The following CHST9 variants were observed in gnomAD, a reference collection of about 807,000 sequenced individuals.
CHST9 encodes carbohydrate sulfotransferase 9.
In CHST9, 41 loss-of-function variants were observed where a neutral mutation model predicts 44.4. That is an observed-to-expected ratio of 0.92 (90% CI 0.72 to 1.20). The LOEUF is 1.20. CHST9 is among the 50% of genes most tolerant of loss of function. CHST9 has a pLI of 0.00. For missense variants in CHST9, 504 were observed against 516.5 expected, an observed-to-expected ratio of 0.98 and a Z score of 0.23; for synonymous variants, 171 against 178.4, an observed-to-expected ratio of 0.96 and a Z score of 0.33.
rs376752000 is a variant in CHST9 at position 27,148,592 on chromosome 18, C to A, written c.-96-5687G>T. Among the ~76,000 whole-genome samples the A allele has an allele frequency of 1.2e-3, 184 of 147,574 alleles. 1 individual carries two copies. Among genetic ancestry groups the A allele is most frequent in the South Asian group, 4.7e-3 (21 of 4,486 alleles). ...TCCCTACAAAGGACATGAACTCATC[C>A]TTTTTTATGGCTGCATAGTATTCCA... On this transcript the variant is annotated intron_variant, in intron 1 of 5. Coordinates refer to ENST00000618847, the MANE Select transcript of CHST9 (RefSeq NM_031422.6).
At chr18:26,949,367 C>T (rs991230211) in intron 4 of CHST9, among the ~76,000 whole-genome samples, 2 of 150,692 alleles carry the variant, frequency 1.3e-5, no homozygotes, top group African/African-American at 4.9e-5. Context: ...GAGAATACAG[C>T]AAGACCTCAT....
chr18:27,145,199 A>G (rs933786295), intron 1 of CHST9, among the ~76,000 whole-genome samples: 1 of 152,000 alleles, frequency 6.6e-6, no homozygotes, highest in Non-Finnish European at 1.5e-5. Flanking sequence ...TGTTTTGTTT[A>G]TTATTTTTTT....
chr18:26,930,068 C>T (rs1681365106), intron 5 of CHST9, among the ~76,000 whole-genome samples: 1 of 152,178 alleles, frequency 6.6e-6, no homozygotes, highest in Non-Finnish European at 1.5e-5. Flanking sequence ...GTGTCAGCAC[C>T]TTTGAGTGAA....
chr18:26,929,856 T>G (rs2055844755), intron 5 of CHST9, among the ~76,000 whole-genome samples: 1 of 152,134 alleles, frequency 6.6e-6, no homozygotes, highest in Non-Finnish European at 1.5e-5. Context: ...CTGGGGGCTA[T>G]GACGTAAGTG....
chr18:27,183,132 AAGCAATC>A (rs1203500602), intron 1 of CHST9, among the ~76,000 whole-genome samples: 4 of 151,210 alleles, frequency 2.6e-5, no homozygotes, highest in African/African-American at 9.7e-5. Context: ...GGTGGGGGGA[AAGCAATC>A]AGATTTTTAC....
At chr18:27,116,520 G>A (rs941003727) in intron 2 of CHST9, among the ~76,000 whole-genome samples, 2 of 152,062 alleles carry the variant, frequency 1.3e-5, no homozygotes, top group African/African-American at 4.8e-5. Context: ...TTTTAAAATT[G>A]AAAGTGTGAT....
At chr18:27,048,600 C>T (rs973487486) in intron 2 of CHST9, 97 bp from the exon 3 acceptor site, 5 of 985,226 alleles carry the variant, frequency 5.1e-6, no homozygotes, top group Non-Finnish European at 7.7e-6. Context: ...CCAAACACAA[C>T]CTCTACTTCA....
In CHST9 at chr18:26,914,983, T is replaced by C. The variant is rs199526782; in HGVS notation, c.*1276A>G. 232 of 392,992 alleles carry C rather than the reference T, an allele frequency of 5.9e-4. 1 individual carries two copies. Among genetic ancestry groups the C allele is most frequent in the Middle Eastern group, 2.6e-3 (4 of 1,560 alleles). The allele number at this position is 392,992 out of a possible 1,614,324, so 24.3% of individuals were successfully genotyped here. A position where few individuals can be genotyped will look rare whatever the true frequency, so the allele number is the denominator to read the frequency against. Reference sequence around the variant, plus strand: ...CCATCCAAAATGATCCCTTTTTTTTTCCCCAAGGGATCTAATTTAGGATCC... The same window carrying C: ...CCATCCAAAATGATCCCTTTTTTTTCCCCCAAGGGATCTAATTTAGGATCC... On this transcript the variant is annotated 3_prime_UTR_variant, in exon 6 of 6. Coordinates refer to ENST00000618847, the MANE Select transcript of CHST9 (RefSeq NM_031422.6).
chr18:26,932,758 C>A (rs867487491), intron 5 of CHST9, among the ~76,000 whole-genome samples: 1 of 152,182 alleles, frequency 6.6e-6, no homozygotes, highest in Non-Finnish European at 1.5e-5. Flanking sequence ...TCCCCAGATC[C>A]ATCAGTAGCA....
In CHST9 at chr18:27,148,395, T is replaced by C. The variant is rs965799110; in HGVS notation, c.-96-5490A>G. ...TAGCATTAGGTGTATCTCCTAAAGC[T>C]ATCCCTCCCCCCTCCCCCCACCCCA... On this transcript the variant is annotated intron_variant, in intron 1 of 5. Transcript: ENST00000618847. 4.7e-5 allele frequency among the ~76,000 whole-genome samples: 7 copies of C among 148,288 alleles called. No homozygotes were observed. In the East Asian group the frequency reaches 1.4e-3, roughly 30 times the overall value.
intron 2 of CHST9, among the ~76,000 whole-genome samples, chr18:27,109,958 A>G (rs2058256009): frequency 6.6e-6 from 1 of 152,086 alleles, no homozygotes; most frequent in Admixed American, 6.5e-5. Context: ...CAGAAATGGG[A>G]AAGTCCAATT....
chr18:27,103,486 T>G (rs2058192707), intron 2 of CHST9, among the ~76,000 whole-genome samples: 1 of 152,160 alleles, frequency 6.6e-6, no homozygotes, highest in South Asian at 2.1e-4. Flanking sequence ...TCAAGGTGAA[T>G]GAAAATCTAC....
intron 4 of CHST9, among the ~76,000 whole-genome samples, chr18:27,008,580 A>G (rs1479015273): frequency 2.6e-5 from 4 of 152,210 alleles, no homozygotes; most frequent in Admixed American, 1.3e-4. Flanking sequence ...AACAGTGTGT[A>G]TTGAGCAGAT....
At chr18:27,046,206 T>C (rs1191642037) in intron 3 of CHST9, among the ~76,000 whole-genome samples, 2 of 152,056 alleles carry the variant, frequency 1.3e-5, no homozygotes, top group Non-Finnish European at 2.9e-5. Context: ...GACGTTTCCT[T>C]GTTAGGAAGT....
chr18:27,093,785 G>C (rs770785393), intron 2 of CHST9, among the ~76,000 whole-genome samples: 49 of 152,158 alleles, frequency 3.2e-4, no homozygotes, highest in Non-Finnish European at 6.0e-4. Flanking sequence ...AATGAACCAG[G>C]TACCTCAGTT....
intron 5 of CHST9, chr18:26,930,652 G>T (rs772497788): frequency 3.9e-5 from 6 of 153,698 alleles, no homozygotes; most frequent in African/African-American, 1.4e-4. Flanking sequence ...CTCTCCTTTT[G>T]TTCCCTTTCT....
Position 27,157,691 on chromosome 18 carries a change from G to T in CHST9, c.-96-14786C>A, listed in dbSNP as rs531338677. Among the ~76,000 whole-genome samples the T allele has an allele frequency of 3.9e-4, 59 of 152,130 alleles. No individual in the cohort carries two copies. The Middle Eastern group carries it at 0.01, about 26-fold the overall frequency. ...TTAAAATTCCAAAGTAACTGCCTAA[G>T]GTAGTTACTGAAATAAATATAGATA... On this transcript the variant is annotated intron_variant, in intron 1 of 5. Transcript: ENST00000618847.
chr18:27,178,467 A>T (rs964197936), intron 1 of CHST9, among the ~76,000 whole-genome samples: 3 of 152,048 alleles, frequency 2.0e-5, no homozygotes, highest in Non-Finnish European at 4.4e-5. Context: ...GCTAACACTC[A>T]AATTACATTT....
intron 2 of CHST9, among the ~76,000 whole-genome samples, chr18:27,119,735 G>A (rs2058358972): frequency 6.7e-6 from 1 of 148,916 alleles, no homozygotes; most frequent in Non-Finnish European, 1.5e-5. Flanking sequence ...TCTTTTGAGT[G>A]GTTCAAATTC....
Sources: allele counts gnomAD v4.1 joint callset (sites outside exome capture counted in the v4.1 genomes callset), GRCh38; gene constraint gnomAD v4.1.1; transcripts MANE v1.5; gene names NCBI Gene and HGNC (gene_info 2026-07-23, HGNC 2026-07-21).